Variants in ZNF609 observed in about 807,000 individuals in gnomAD.
ZNF609 encodes zinc finger protein 609.
A neutral mutation model predicts 109.5 loss-of-function variants in ZNF609; 11 were observed. The ratio of observed to expected loss-of-function variants is 0.10; its 90% CI spans 0.06 to 0.17. The LOEUF is 0.17. ZNF609 is among the 10% of genes least tolerant of loss of function. The pLI is 1.00. For synonymous variants in ZNF609, 646 were observed against 662.0 expected, an observed-to-expected ratio of 0.98 and a Z score of 0.37; for missense variants, 1,559 against 1,772.4, an observed-to-expected ratio of 0.88 and a Z score of 2.16.
intron 3 of ZNF609, among the ~76,000 whole-genome samples, chr15:64,652,241 C>T (rs1273890689): frequency 6.6e-6 from 1 of 152,088 alleles, no homozygotes; most frequent in Non-Finnish European, 1.5e-5. Context: ...CCAGGCTGGT[C>T]TCCAACTCCT....
At chr15:64,668,459 T>C (rs1896680792) in intron 3 of ZNF609, among the ~76,000 whole-genome samples, 1 of 152,194 alleles carries the variant, frequency 6.6e-6, no homozygotes, top group South Asian at 2.1e-4. Flanking sequence ...CTGAATATTA[T>C]ATTTAATGGT....
rs199908744 is a variant in ZNF609 at position 64,500,084 on chromosome 15, C to A, written c.665C>A (p.Ala222Glu). 2.5e-6 allele frequency: 4 copies of A among 1,613,916 alleles called. No homozygotes were observed. In the African/African-American group the frequency reaches 5.3e-5, roughly 22 times the overall value. Residue 222 changes from alanine (A) to glutamate (E), a missense_variant, in exon 2 of 10, where the codon GCG becomes GAG. Physicochemically the swap from Ala to Glu is moderately radical, Grantham distance 107. Coordinates refer to ENST00000326648, the MANE Select transcript of ZNF609 (RefSeq NM_015042.2). ...LGSIAIEPGA[A>E]LNPLGTKPEP... ...AGTATAGCTATTGAGCCTGGGGCAG[C>A]GCTCAATCCTTTGGGAACTAAACCG...
chr15:64,596,009 T>A (rs1895391094), intron 2 of ZNF609, among the ~76,000 whole-genome samples: 1 of 152,184 alleles, frequency 6.6e-6, no homozygotes, highest in Non-Finnish European at 1.5e-5. Flanking sequence ...GTGAAATCAC[T>A]GGATAACATT....
In ZNF609 at chr15:64,681,415, A is replaced by G. The variant is rs539334650; in HGVS notation, c.*5+28A>G. The G allele has an allele frequency of 4.1e-5, 65 of 1,585,672 alleles. 1 individual carries two copies. The South Asian group carries it at 6.2e-4, about 15-fold the overall frequency. ...AAGTCACTTTTATTAATTTGGGGCAACACATAAAGCCGGGATAGTTGCTAC... is the reference window on the plus strand; with the variant it reads ...AAGTCACTTTTATTAATTTGGGGCAGCACATAAAGCCGGGATAGTTGCTAC... On this transcript the variant is annotated intron_variant, in intron 9 of 9. Coordinates refer to ENST00000326648, the MANE Select transcript of ZNF609 (RefSeq NM_015042.2).
chr15:64,554,999 G>A (rs1272432516), intron 2 of ZNF609, among the ~76,000 whole-genome samples: 1 of 151,882 alleles, frequency 6.6e-6, no homozygotes, highest in Non-Finnish European at 1.5e-5. Flanking sequence ...GGGAGGCTGA[G>A]GCAGGAGAAT....
chr15:64,509,270 A>G (rs1479464696), intron 2 of ZNF609, among the ~76,000 whole-genome samples: 1 of 152,230 alleles, frequency 6.6e-6, no homozygotes, highest in African/African-American at 2.4e-5. Flanking sequence ...CAGAAAAGAT[A>G]TTCAAAAAAG....
intron 3 of ZNF609, among the ~76,000 whole-genome samples, chr15:64,652,082 C>T (rs897672745): frequency 6.6e-6 from 1 of 152,214 alleles, no homozygotes; most frequent in Non-Finnish European, 1.5e-5. Context: ...CTCTGTCACC[C>T]AAGCTGGAGT....
At chr15:64,514,732 C>A (rs1042180693) in intron 2 of ZNF609, among the ~76,000 whole-genome samples, 1 of 151,844 alleles carries the variant, frequency 6.6e-6, no homozygotes, top group East Asian at 1.9e-4. Context: ...TCTGCCTCCC[C>A]GATTCAAGCA....
chr15:64,512,949 C>T (rs1379543190), intron 2 of ZNF609, among the ~76,000 whole-genome samples: 1 of 151,914 alleles, frequency 6.6e-6, no homozygotes, highest in Non-Finnish European at 1.5e-5. Flanking sequence ...CAAGCAAACT[C>T]ATACTAGAAA....
At chr15:64,580,997 T>C (rs2140426355) in intron 2 of ZNF609, among the ~76,000 whole-genome samples, 1 of 142,454 alleles carries the variant, frequency 7.0e-6, no homozygotes, top group Admixed American at 7.0e-5. Context: ...ACAGTCTCGC[T>C]CTGTTGCCCA....
At chr15:64,669,921 G>A (rs1199520046) in intron 3 of ZNF609, among the ~76,000 whole-genome samples, 1 of 152,086 alleles carries the variant, frequency 6.6e-6, no homozygotes, top group African/African-American at 2.4e-5. Context: ...GCCTGCCTTA[G>A]CCTCCCAAAG....
At chr15:64,478,963 A>G (rs1893210929) in intron 1 of ZNF609, among the ~76,000 whole-genome samples, 1 of 152,190 alleles carries the variant, frequency 6.6e-6, no homozygotes, top group Non-Finnish European at 1.5e-5. Flanking sequence ...TTAACTGACC[A>G]AACTGTATTG....
At chr15:64,580,612 G>A (rs1788102797) in intron 2 of ZNF609, among the ~76,000 whole-genome samples, 1 of 149,548 alleles carries the variant, frequency 6.7e-6, no homozygotes, top group African/African-American at 2.5e-5. Context: ...GTGTAGTGGT[G>A]CAGTCTGCAA....
At chr15:64,579,943 C>A (rs185112126) in intron 2 of ZNF609, among the ~76,000 whole-genome samples, 2 of 152,150 alleles carry the variant, frequency 1.3e-5, no homozygotes, top group Non-Finnish European at 1.5e-5. Flanking sequence ...CAAAAAAAAT[C>A]TATTTCTTAT....
chr15:64,627,689 A>T, intron 3 of ZNF609, among the ~76,000 whole-genome samples: 1 of 58,860 alleles, frequency 1.7e-5, no homozygotes, highest in African/African-American at 4.5e-5. Context: ...TTTTTTTGAG[A>T]CAGGGTCAAG....
intron 2 of ZNF609, among the ~76,000 whole-genome samples, chr15:64,523,790 T>C (rs1303769978): frequency 6.6e-6 from 1 of 151,964 alleles, no homozygotes; most frequent in Non-Finnish European, 1.5e-5. Flanking sequence ...GAAAATCTTC[T>C]ATGTTATAAA....
chr15:64,591,060 A>G (rs748148466), intron 2 of ZNF609, among the ~76,000 whole-genome samples: 5 of 152,160 alleles, frequency 3.3e-5, no homozygotes, highest in South Asian at 2.1e-4. Context: ...AAGGCCGGGC[A>G]TGCTCGTTTA....
chr15:64,486,913 T>C (rs1438998291), intron 1 of ZNF609, among the ~76,000 whole-genome samples: 1 of 152,220 alleles, frequency 6.6e-6, no homozygotes, highest in African/African-American at 2.4e-5. Context: ...ACTCCCATTT[T>C]TCTAAATAAT....
intron 1 of ZNF609, among the ~76,000 whole-genome samples, chr15:64,482,803 G>A (rs12593770): frequency 0.1 from 15,923 of 152,116 alleles, 2,119 homozygotes; most frequent in East Asian, 0.78. Context: ...TGGTAAGGAA[G>A]GTCAGACCAA....
Sources: gnomAD v4.1 joint callset for allele counts (sites outside exome capture counted in the v4.1 genomes callset) on GRCh38, gnomAD v4.1.1 for gene constraint, MANE v1.5 for transcripts, NCBI Gene and HGNC (gene_info 2026-07-23, HGNC 2026-07-21) for gene names.